Variants in CEACAM3 observed in about 807,000 individuals in gnomAD.
The protein encoded by CEACAM3 is CEA cell adhesion molecule 3.
A neutral mutation model predicts 30.1 loss-of-function variants in CEACAM3; 32 were observed. That is an observed-to-expected ratio of 1.06 (90% CI 0.80 to 1.43). The LOEUF is 1.43. Ranked by LOEUF, CEACAM3 falls within the 40% of genes most tolerant of loss-of-function variation. The pLI is 0.00. For missense variants in CEACAM3, 290 were observed against 316.3 expected, an observed-to-expected ratio of 0.92 and a Z score of 0.63; for synonymous variants, 134 against 127.2, an observed-to-expected ratio of 1.05 and a Z score of -0.36.
chr19:41,809,646 C>G, intron 3 of CEACAM3: 1 of 280,624 alleles, frequency 3.6e-6, no homozygotes, highest in South Asian at 5.1e-5. Context: ...CCTCTGGGGA[C>G]TTGACCCTTC....
intron 6 of CEACAM3, 107 bp from the exon 7 acceptor site, chr19:41,811,065 G>T: frequency 7.5e-7 from 1 of 1,338,820 alleles, no homozygotes; most frequent in Non-Finnish European, 1.1e-6. Flanking sequence ...CCTGAGCACA[G>T]CCAGGTTCAG....
chr19:41,800,129 G>A (rs1350751869), intron 2 of CEACAM3, among the ~76,000 whole-genome samples: 1 of 152,158 alleles, frequency 6.6e-6, no homozygotes, highest in Non-Finnish European at 1.5e-5. Context: ...TCATTAGTTG[G>A]TAGCAATTAC....
intron 2 of CEACAM3, among the ~76,000 whole-genome samples, chr19:41,799,111 A>G (rs1212073524): frequency 2.6e-5 from 4 of 152,100 alleles, no homozygotes; most frequent in Non-Finnish European, 4.4e-5. Flanking sequence ...AAATTAATCA[A>G]TTTTTCCTGA....
rs1555827417 is a variant in CEACAM3, at chr19:41,810,310, T to C, written c.596-13T>C. The stretch of plus-strand genomic sequence containing the variant: ...CCTCCCACCCTGCTGCTCACTCCTG[T>C]CTCTGTTTCCAGGCCGTGGTCCCTC... On this transcript the variant is annotated splice_polypyrimidine_tract_variant and intron_variant, in intron 4 of 6. Coordinates refer to ENST00000357396, the MANE Select transcript of CEACAM3 (RefSeq NM_001815.5). The C allele has an allele frequency of 6.2e-7, 1 of 1,603,230 alleles. No individual in the cohort carries two copies. Among genetic ancestry groups the C allele is most frequent in the South Asian group, 1.1e-5 (1 of 88,920 alleles).
At chr19:41,804,544 T>G (rs1042276215) in intron 2 of CEACAM3, among the ~76,000 whole-genome samples, 2 of 152,172 alleles carry the variant, frequency 1.3e-5, no homozygotes, top group Non-Finnish European at 2.9e-5. Flanking sequence ...ATCTCCTAAT[T>G]TGGTATTTTT....
chr19:41,803,328 G>A (rs1237860396), intron 2 of CEACAM3, among the ~76,000 whole-genome samples: 1 of 152,072 alleles, frequency 6.6e-6, no homozygotes, highest in African/African-American at 2.4e-5. Flanking sequence ...CCCTCAATGG[G>A]CTTACTGGTA....
At chr19:41,804,376 G>A (rs1555826432) in intron 2 of CEACAM3, among the ~76,000 whole-genome samples, 1 of 152,060 alleles carries the variant, frequency 6.6e-6, no homozygotes, top group African/African-American at 2.4e-5. Context: ...TGCCCAATTC[G>A]GGCTAATTTA....
chr19:41,809,878 A>T (rs905145596), intron 3 of CEACAM3, 87 bp from the exon 4 acceptor site: 9 of 1,341,598 alleles, frequency 6.7e-6, no homozygotes, highest in Admixed American at 1.7e-5. Context: ...ATCCTTGAAA[A>T]TGGGTTTCCC....
chr19:41,811,296 G>C lies in CEACAM3; in HGVS notation c.*59G>C, dbSNP rs1399876754. ...AGAGTCCCCAAGGCCCCCAGCCCTG[G>C]GGATGGGGAAGGACATGAAGCCTGA... is the stretch of plus-strand genomic sequence containing the variant. On this transcript the variant is annotated 3_prime_UTR_variant, in exon 7 of 7. Coordinates refer to ENST00000357396, the MANE Select transcript of CEACAM3 (RefSeq NM_001815.5). 2 of 1,452,818 alleles carry C rather than the reference G, an allele frequency of 1.4e-6. No individual in the cohort carries two copies. Among genetic ancestry groups the C allele is most frequent in the African/African-American group, 2.8e-5 (2 of 71,028 alleles). The allele number at this position is 1,452,818 out of a possible 1,614,324, so 90.0% of individuals were successfully genotyped here.
At position 41,797,972 on chromosome 19, in the gene CEACAM3, G is replaced by T. The variant is rs781808494; in HGVS notation, c.424+24G>T. ...CCGTGAGTATTTCCACATGACCTCT[G>T]GGTGTTGGGGGTCAGTTCTACTTCC... On this transcript the variant is annotated intron_variant, in intron 2 of 6. Coordinates refer to ENST00000357396, the MANE Select transcript of CEACAM3 (RefSeq NM_001815.5). 3.8e-6 allele frequency: 6 copies of T among 1,574,574 alleles called. No homozygotes were observed. In the Admixed American group the frequency reaches 5.3e-5, roughly 14 times the overall value.
chr19:41,811,226 G>C lies in CEACAM3; in HGVS notation c.748G>C (p.Val250Leu). The stretch of plus-strand genomic sequence containing the variant: ...CTGCCGGATGGACCACAAAGCAGAA[G>C]TGGCTTCTTAGCTTCCTCCAGGAGC... ...IYCRMDHKAE[V>L]AS The change falls in exon 7 of 7, where the codon GTG becomes CTG. Residue 250 changes from valine to leucine, a missense_variant. Transcript: ENST00000357396. The C allele has an allele frequency of 6.8e-6, 11 of 1,613,952 alleles. No homozygotes were observed. Among genetic ancestry groups the C allele is most frequent in the Non-Finnish European group, 9.3e-6 (11 of 1,180,008 alleles).
At chr19:41,810,548 T>A (rs1217136967) in intron 5 of CEACAM3, among the ~76,000 whole-genome samples, 194 bp downstream of exon 5, 3 of 151,400 alleles carry the variant, frequency 2.0e-5, no homozygotes, top group African/African-American at 7.3e-5. Context: ...TGCTGACCCC[T>A]CCCCGGGACC....
chr19:41,811,151 G>A (rs538162135), intron 6 of CEACAM3, 21 bp from the exon 7 acceptor site: 3 of 1,613,348 alleles, frequency 1.9e-6, no homozygotes, highest in African/African-American at 1.3e-5. Context: ...AGGGGTCCAG[G>A]CCTCTTCTCT....
chr19:41,807,243 C>T (rs772434865), intron 2 of CEACAM3: 38 of 1,609,120 alleles, frequency 2.4e-5, no homozygotes, highest in Admixed American at 3.3e-5. Flanking sequence ...CAGAGCCTCC[C>T]GGTCAGTTCC....
At chr19:41,807,782 G>A (rs370256422) in intron 2 of CEACAM3, among the ~76,000 whole-genome samples, 9 of 152,030 alleles carry the variant, frequency 5.9e-5, no homozygotes, top group Admixed American at 1.3e-4. Flanking sequence ...CAGATGGACC[G>A]GGCATTCCCA....
chr19:41,809,797 C>T (rs1289524987), intron 3 of CEACAM3, 168 bp from the exon 4 acceptor site: 1 of 686,586 alleles, frequency 1.5e-6, no homozygotes, highest in African/African-American at 1.8e-5. Flanking sequence ...GTTCCTAAAG[C>T]CTTTCCTCAA....
At chr19:41,801,797 A>G (rs1555826006) in intron 2 of CEACAM3, among the ~76,000 whole-genome samples, 1 of 152,174 alleles carries the variant, frequency 6.6e-6, no homozygotes, top group African/African-American at 2.4e-5. Context: ...AGTCTGAGAA[A>G]CATCTCAAAA....
chr19:41,797,066 A>G (rs2073108193), intron 1 of CEACAM3: 1 of 288,446 alleles, frequency 3.5e-6, no homozygotes, highest in African/African-American at 2.2e-5. Context: ...TTGACCACCA[A>G]CCACAAGTTG....
At chr19:41,802,291 C>T (rs1352673040) in intron 2 of CEACAM3, among the ~76,000 whole-genome samples, 1 of 152,184 alleles carries the variant, frequency 6.6e-6, no homozygotes, top group African/African-American at 2.4e-5. Flanking sequence ...TCCAATTTGG[C>T]ATGTAAGAAG....
Sources: gnomAD v4.1 joint callset for allele counts (sites outside exome capture counted in the v4.1 genomes callset) on GRCh38, gnomAD v4.1.1 for gene constraint, MANE v1.5 for transcripts, NCBI Gene and HGNC (gene_info 2026-07-23, HGNC 2026-07-21) for gene names.